TAFA2: variants seen among roughly 807,000 people sequenced by gnomAD.
TAFA2 encodes the protein TAFA chemokine like family member 2.
TAFA2 carries 7 observed loss-of-function variants against 18.8 expected under a neutral mutation model. The ratio of observed to expected loss-of-function variants is 0.37; its 90% CI spans 0.21 to 0.70. The LOEUF (loss-of-function observed/expected upper bound fraction) is 0.70, where lower values mean the gene tolerates loss of function less well. TAFA2 is among the 30% of genes least tolerant of loss of function. TAFA2 has a pLI of 0.53. For synonymous variants in TAFA2, 60 were observed against 54.2 expected (o/e 1.11, Z -0.47); for missense variants, 122 against 158.1 (o/e 0.77, Z 1.23).
At chr12:62,166,307 CTG>C (rs1428473695) in intron 1 of TAFA2, among the ~76,000 whole-genome samples, 1 of 152,146 alleles carries the variant, frequency 6.6e-6, no homozygotes, top group East Asian at 1.9e-4. Flanking sequence ...AGTTTATACA[CTG>C]CTGGTGTTAA....
At chr12:62,025,204 G>A (rs1226227430) in intron 1 of TAFA2, among the ~76,000 whole-genome samples, 1 of 152,030 alleles carries the variant, frequency 6.6e-6, no homozygotes, top group East Asian at 1.9e-4. Flanking sequence ...GCTAAACATT[G>A]GGTATTCATG....
intron 2 of TAFA2, among the ~76,000 whole-genome samples, chr12:61,852,005 C>T (rs1437971403): frequency 6.6e-6 from 1 of 151,328 alleles, no homozygotes; most frequent in African/African-American, 2.4e-5. Flanking sequence ...GTCAGGAGTT[C>T]GAGACCAGCC....
chr12:62,062,174 C>CA (rs200201716), intron 1 of TAFA2, among the ~76,000 whole-genome samples: 184 of 150,204 alleles, frequency 1.2e-3, no homozygotes, highest in African/African-American at 3.8e-3. Flanking sequence ...ACTCTCTCAA[C>CA]AAAAAAAAAG....
intron 2 of TAFA2, among the ~76,000 whole-genome samples, chr12:61,864,447 A>G (rs1219516104): frequency 6.7e-6 from 1 of 150,190 alleles, no homozygotes. Flanking sequence ...CTATAACTAT[A>G]TATGTAGTAA....
rs544730516 is a variant in TAFA2 at position 62,244,226 on chromosome 12, G to A, written c.-130+14537C>T. ...AACTCAATCATTGTTATTTGGGGGT[G>A]TTTCTTTTGTCTTTTTTTTTTTTTT... On this transcript the variant is annotated intron_variant, in intron 1 of 5. Coordinates refer to the TAFA2 transcript ENST00000551619. Among the ~76,000 whole-genome samples the A allele has an allele frequency of 9.4e-4, 120 of 127,120 alleles. 1 individual carries two copies. The highest frequency in any genetic ancestry group is 3.2e-3 in the African/African-American group (103 of 32,670). The allele number at this position is 127,120 out of a possible 152,430, so 83.4% of individuals were successfully genotyped here. A position where few individuals can be genotyped will look rare whatever the true frequency, so the allele number is the denominator to read the frequency against.
chr12:61,802,971 C>T (rs1406897040), intron 2 of TAFA2, among the ~76,000 whole-genome samples: 2 of 151,878 alleles, frequency 1.3e-5, no homozygotes, highest in Non-Finnish European at 2.9e-5. Context: ...TCCATGGGTG[C>T]ATTGTTCAAT....
chr12:62,177,427 T>C (rs2062521463), intron 1 of TAFA2, among the ~76,000 whole-genome samples: 2 of 152,216 alleles, frequency 1.3e-5, no homozygotes, highest in Admixed American at 6.5e-5. Flanking sequence ...CTGCTGACAT[T>C]TTTAAAGCTA....
intron 1 of TAFA2, among the ~76,000 whole-genome samples, chr12:61,926,964 A>ACTC (rs1877322814): frequency 6.6e-6 from 1 of 150,572 alleles, no homozygotes; most frequent in Non-Finnish European, 1.5e-5. Context: ...AGTCCCAGCT[A>ACTC]CTCGGGAGGC....
At chr12:62,039,759 T>C (rs1489028715) in intron 1 of TAFA2, among the ~76,000 whole-genome samples, 2 of 152,138 alleles carry the variant, frequency 1.3e-5, no homozygotes, top group South Asian at 2.1e-4. Context: ...AGCTCCACCA[T>C]TGTCACCAAA....
chr12:61,884,189 A>G (rs1011752120), intron 1 of TAFA2, among the ~76,000 whole-genome samples: 61 of 152,304 alleles, frequency 4.0e-4, no homozygotes, highest in African/African-American at 1.3e-3. Context: ...AAGCGGAGGA[A>G]TAAGAGGTAA....
intron 1 of TAFA2, among the ~76,000 whole-genome samples, chr12:62,016,162 T>C (rs1321866711): frequency 6.6e-6 from 1 of 152,142 alleles, no homozygotes; most frequent in Non-Finnish European, 1.5e-5. Flanking sequence ...GAACTCTGGG[T>C]CCTCGGTTTG....
intron 1 of TAFA2, among the ~76,000 whole-genome samples, chr12:61,929,482 A>G (rs995824765): frequency 6.6e-6 from 1 of 152,124 alleles, no homozygotes; most frequent in Admixed American, 6.6e-5. Context: ...TTAGAATGGC[A>G]ATCATTAAAA....
In TAFA2 at chr12:62,102,713, T is replaced by C. The variant is rs138321103; in HGVS notation, c.-2+88546A>G. On this transcript the variant is annotated intron_variant, in intron 1 of 4. Coordinates refer to ENST00000416284, the MANE Select transcript of TAFA2 (RefSeq NM_178539.5). ...CAATTCCTGTATTATGATACAATAA[T>C]GTACTCTGGACCCAATTTCCTCATC... 6.5e-3 allele frequency among the ~76,000 whole-genome samples: 997 copies of C among 152,298 alleles called. 13 individuals are homozygous for C. The highest frequency in any genetic ancestry group is 0.023 in the African/African-American group (939 of 41,556).
At chr12:62,084,715 T>C (rs2136824778) in intron 1 of TAFA2, among the ~76,000 whole-genome samples, 1 of 152,210 alleles carries the variant, frequency 6.6e-6, no homozygotes, top group South Asian at 2.1e-4. Context: ...ATCAGACAAA[T>C]ACAGGTCCCA....
intron 2 of TAFA2, among the ~76,000 whole-genome samples, chr12:61,762,873 G>A (rs1208625592): frequency 6.6e-6 from 1 of 151,962 alleles, no homozygotes; most frequent in East Asian, 1.9e-4. Context: ...TACCCAGCCT[G>A]ACTAGCTCCC....
At chr12:61,944,717 A>C (rs533437824) in intron 1 of TAFA2, among the ~76,000 whole-genome samples, 4 of 145,304 alleles carry the variant, frequency 2.8e-5, no homozygotes, top group East Asian at 2.0e-4. Context: ...GAAATGGATA[A>C]ATTCCTGGAC....
intron 1 of TAFA2, among the ~76,000 whole-genome samples, chr12:62,103,263 A>G (rs766031704): frequency 3.3e-5 from 5 of 152,186 alleles, no homozygotes; most frequent in Non-Finnish European, 4.4e-5. Flanking sequence ...AACACTGACT[A>G]CTTCTTCAAA....
chr12:61,997,953 T>C (rs1880254927), intron 1 of TAFA2, among the ~76,000 whole-genome samples: 1 of 152,144 alleles, frequency 6.6e-6, no homozygotes, highest in South Asian at 2.1e-4. Flanking sequence ...GGAGACTAAT[T>C]TCTATGCACC....
intron 2 of TAFA2, among the ~76,000 whole-genome samples, chr12:61,853,382 C>T (rs1339216122): frequency 6.6e-6 from 1 of 151,730 alleles, no homozygotes; most frequent in Non-Finnish European, 1.5e-5. Context: ...CAGAGAGTGA[C>T]AAGATGAGGA....
Sources: allele counts gnomAD v4.1 joint callset (sites outside exome capture counted in the v4.1 genomes callset), GRCh38; gene constraint gnomAD v4.1.1; transcripts MANE v1.5; gene names NCBI Gene and HGNC (gene_info 2026-07-23, HGNC 2026-07-21).